Variants in VWA8 observed in about 807,000 individuals in gnomAD.
VWA8 encodes von Willebrand factor A domain containing 8.
A neutral mutation model predicts 241.5 loss-of-function variants in VWA8; 221 were observed. The observed-to-expected ratio is 0.91, with a 90% CI of 0.82 to 1.02. The LOEUF (loss-of-function observed/expected upper bound fraction) is 1.02, where lower values mean the gene tolerates loss of function less well. Ranked by LOEUF, VWA8 falls within the 50% of genes least tolerant of loss-of-function variation. The pLI is 0.00. For missense variants in VWA8, 2,322 were observed against 2,328.7 expected (o/e 1.00, Z 0.06); for synonymous variants, 852 against 827.1 (o/e 1.03, Z -0.52).
intron 20 of VWA8, 57 bp downstream of exon 20, chr13:41,777,928 C>A (rs1372874635): frequency 7.7e-6 from 11 of 1,431,154 alleles, no homozygotes; most frequent in Non-Finnish European, 1.1e-5. Context: ...AAACTTACTG[C>A]TTTTAAATTG....
intron 21 of VWA8, among the ~76,000 whole-genome samples, chr13:41,736,526 T>C (rs887743738): frequency 2.0e-5 from 3 of 152,188 alleles, no homozygotes; most frequent in Non-Finnish European, 2.9e-5. Context: ...TATCTTCTAA[T>C]TTATTGAGGA....
At chr13:41,854,911 A>G (rs1315415280) in intron 12 of VWA8, among the ~76,000 whole-genome samples, 1 of 152,176 alleles carries the variant, frequency 6.6e-6, no homozygotes, top group Non-Finnish European at 1.5e-5. Context: ...GCAAGAAAGC[A>G]TGGAGTGGTA....
chr13:41,782,494 G>A (rs1490343656), intron 19 of VWA8, among the ~76,000 whole-genome samples: 1 of 151,878 alleles, frequency 6.6e-6, no homozygotes, highest in African/African-American at 2.4e-5. Context: ...TTCTACTTTT[G>A]TGTCTTATAA....
intron 20 of VWA8, among the ~76,000 whole-genome samples, chr13:41,765,830 T>C (rs890650115): frequency 6.6e-6 from 1 of 152,210 alleles, no homozygotes; most frequent in Non-Finnish European, 1.5e-5. Context: ...TTAACTCTTA[T>C]TGAGAATAAT....
intron 37 of VWA8, among the ~76,000 whole-genome samples, chr13:41,663,135 G>A (rs1467551768): frequency 6.6e-6 from 1 of 152,064 alleles, no homozygotes; most frequent in East Asian, 1.9e-4. Context: ...GAGAGACAAG[G>A]TGAGTGCTTG....
At position 41,611,729 on chromosome 13, in the gene VWA8, C is replaced by T. The variant is rs1486023707; in HGVS notation, c.4724G>A (p.Gly1575Glu). ...GGNTWAGGTGGRDTAGLGGKG... is the reference protein window; with the variant it reads ...GGNTWAGGTGERDTAGLGGKG... ...GCCACCCAGGCCTGCCGTGTCTCTT[C>T]CCCCTGGAAGGAAAACGTGGAAATT... is the stretch of plus-strand genomic sequence containing the variant. Residue 1575 changes from glycine (G) to glutamate (E), a missense_variant, in exon 39 of 45, where the codon GGA (glycine) becomes GAA (glutamate). Coordinates refer to ENST00000379310, the MANE Select transcript of VWA8 (RefSeq NM_015058.2). 3 of 1,613,382 alleles carry T rather than the reference C, an allele frequency of 1.9e-6. No homozygotes were observed. Among genetic ancestry groups the T allele is most frequent in the Non-Finnish European group, 2.5e-6 (3 of 1,179,750 alleles).
At chr13:41,636,383 G>A (rs1322180892) in intron 37 of VWA8, among the ~76,000 whole-genome samples, 1 of 152,128 alleles carries the variant, frequency 6.6e-6, no homozygotes, top group African/African-American at 2.4e-5. Flanking sequence ...TATGTAGAAA[G>A]CTGAAACTGG....
chr13:41,794,639 T>G (rs1015703207), intron 17 of VWA8, among the ~76,000 whole-genome samples: 6 of 152,236 alleles, frequency 3.9e-5, no homozygotes, highest in African/African-American at 1.2e-4. Flanking sequence ...TTCTCTTGCC[T>G]GATTGCCCTG....
At chr13:41,679,095 G>A (rs1251237196) in intron 35 of VWA8, among the ~76,000 whole-genome samples, 1 of 152,194 alleles carries the variant, frequency 6.6e-6, no homozygotes, top group Non-Finnish European at 1.5e-5. Flanking sequence ...ACACTGGAGT[G>A]AGGATGGAGG....
chr13:41,659,012 G>C (rs34460069), intron 37 of VWA8, among the ~76,000 whole-genome samples: 2,904 of 152,266 alleles, frequency 0.019, 53 homozygotes, highest in African/African-American at 0.051. Flanking sequence ...TTCAATTAAA[G>C]TTTAATTATG....
intron 26 of VWA8, among the ~76,000 whole-genome samples, chr13:41,714,603 T>A (rs1210246178): frequency 6.6e-6 from 1 of 151,976 alleles, no homozygotes; most frequent in Non-Finnish European, 1.5e-5. Flanking sequence ...AAGGTAGTCA[T>A]ACAAAGTTTT....
chr13:41,927,190 G>T, intron 2 of VWA8: 2 of 459,302 alleles, frequency 4.4e-6, no homozygotes, highest in Non-Finnish European at 8.8e-6. Flanking sequence ...TACTGCCCTG[G>T]AATACGTACA....
intron 19 of VWA8, among the ~76,000 whole-genome samples, chr13:41,782,669 T>G (rs1021992305): frequency 2.0e-5 from 3 of 152,080 alleles, no homozygotes; most frequent in Admixed American, 6.5e-5. Context: ...ATTTCAGAAT[T>G]TTTAACCAAG....
At chr13:41,846,674 ATAAAGTTAATAT>A (rs1370950592) in intron 12 of VWA8, among the ~76,000 whole-genome samples, 2 of 152,252 alleles carry the variant, frequency 1.3e-5, no homozygotes, top group African/African-American at 4.8e-5. Context: ...AGAATTTAAA[ATAAAGTTAATAT>A]TAAAGCAGGT....
chr13:41,795,813 G>A (rs74925546), intron 17 of VWA8, among the ~76,000 whole-genome samples: 7,027 of 152,178 alleles, frequency 0.046, 226 homozygotes, highest in Middle Eastern at 0.11. Flanking sequence ...GGTAGGGGGA[G>A]AGCATCAGGA....
chr13:41,949,538 T>C (rs1222659790), intron 2 of VWA8, among the ~76,000 whole-genome samples: 2 of 151,936 alleles, frequency 1.3e-5, no homozygotes, highest in African/African-American at 4.8e-5. Flanking sequence ...GACCGGTTGA[T>C]GGGTGCAGCA....
At chr13:41,587,796 C>A (rs2044429091) in intron 41 of VWA8, 126 bp from the exon 42 acceptor site, 8 of 1,152,288 alleles carry the variant, frequency 6.9e-6, no homozygotes, top group Non-Finnish European at 8.5e-6. Context: ...ATAGGCTCAG[C>A]CCTGCACAAG....
intron 2 of VWA8, among the ~76,000 whole-genome samples, chr13:41,934,128 A>C (rs889037715): frequency 6.6e-6 from 1 of 151,332 alleles, no homozygotes; most frequent in East Asian, 1.9e-4. Flanking sequence ...AAAAAAAAAA[A>C]ACCACAAACA....
rs550376140 is a variant in VWA8, at chr13:41,659,171, A to G, written c.4611+11775T>C. ...ACAACATCACCCATCATGACCTTGT[A>G]TCAGTGGAGCTCAGAAATGCAGTTC... On this transcript the variant is annotated intron_variant, in intron 37 of 44. Transcript: ENST00000379310. 3.3e-5 allele frequency among the ~76,000 whole-genome samples: 5 copies of G among 152,334 alleles called. No individual in the cohort carries two copies. In the East Asian group the frequency reaches 9.6e-4, roughly 29 times the overall value.
Sources: gnomAD v4.1 joint callset for allele counts (sites outside exome capture counted in the v4.1 genomes callset) on GRCh38, gnomAD v4.1.1 for gene constraint, MANE v1.5 for transcripts, NCBI Gene and HGNC (gene_info 2026-07-23, HGNC 2026-07-21) for gene names.